PXDNL: variants seen among roughly 807,000 people sequenced by gnomAD.
The protein encoded by PXDNL is probable oxidoreductase PXDNL.
Under a neutral mutation model 150.8 loss-of-function variants are expected in PXDNL, and 145 were observed. That is an observed-to-expected ratio of 0.96 (90% CI 0.84 to 1.10). PXDNL has a LOEUF of 1.10. PXDNL is among the 50% of genes least tolerant of loss of function. The pLI, the probability that PXDNL is intolerant of heterozygous loss-of-function variation, is 0.00. For synonymous variants in PXDNL, 757 were observed against 725.7 expected, an observed-to-expected ratio of 1.04 and a Z score of -0.69; for missense variants, 2,087 against 1,873.9, an observed-to-expected ratio of 1.11 and a Z score of -2.10.
At chr8:51,534,153 A>G (rs1811990768) in intron 4 of PXDNL, among the ~76,000 whole-genome samples, 3 of 141,386 alleles carry the variant, frequency 2.1e-5, no homozygotes, top group Non-Finnish European at 4.5e-5. Context: ...CTGGGATGTG[A>G]GGAGCGCCTC....
At chr8:51,487,526 C>A (rs1041388535) in intron 5 of PXDNL, among the ~76,000 whole-genome samples, 4 of 151,826 alleles carry the variant, frequency 2.6e-5, no homozygotes, top group Admixed American at 6.6e-5. Context: ...CCAAAAAGTC[C>A]AAATTCTGTA....
chr8:51,601,480 C>T (rs1047130018), intron 2 of PXDNL, among the ~76,000 whole-genome samples: 13 of 151,956 alleles, frequency 8.6e-5, no homozygotes, highest in Admixed American at 8.5e-4. Context: ...TAATGCCCTT[C>T]TTTGTCTTCA....
rs761400429 is a variant in PXDNL, at chr8:51,453,509, G to T, written c.1249+10C>A. The T allele has an allele frequency of 3.1e-6, 5 of 1,613,368 alleles. No homozygotes were observed. In the Admixed American group the frequency reaches 8.3e-5, roughly 27 times the overall value. ...AGGAACATTTCAATCATGACCTTCTGCTCCCATACCTTGTACAATTATGTT... is the reference window on the plus strand; with the variant it reads ...AGGAACATTTCAATCATGACCTTCTTCTCCCATACCTTGTACAATTATGTT... On this transcript the variant is annotated intron_variant, in intron 10 of 22. Coordinates refer to ENST00000356297, the MANE Select transcript of PXDNL (RefSeq NM_144651.5).
At chr8:51,562,583 G>A (rs1812739595) in intron 3 of PXDNL, among the ~76,000 whole-genome samples, 1 of 151,664 alleles carries the variant, frequency 6.6e-6, no homozygotes, top group Non-Finnish European at 1.5e-5. Context: ...AACTTATTGG[G>A]CTTTTGGACC....
intron 4 of PXDNL, among the ~76,000 whole-genome samples, chr8:51,551,489 A>G (rs1325984143): frequency 1.3e-5 from 2 of 152,202 alleles, no homozygotes; most frequent in Non-Finnish European, 2.9e-5. Context: ...AAGTAGAACA[A>G]TGGAATGAAA....
At chr8:51,430,786 T>C (rs1809229281) in intron 12 of PXDNL, among the ~76,000 whole-genome samples, 2 of 152,200 alleles carry the variant, frequency 1.3e-5, no homozygotes. Context: ...TATTATTTCA[T>C]TCAACAACTC....
intron 1 of PXDNL, among the ~76,000 whole-genome samples, chr8:51,674,600 G>A (rs1305980768): frequency 6.6e-6 from 1 of 152,210 alleles, no homozygotes; most frequent in Non-Finnish European, 1.5e-5. Flanking sequence ...CTGGATGAAA[G>A]TGTTTACTCC....
chr8:51,377,830 T>G (rs975011177), intron 17 of PXDNL, among the ~76,000 whole-genome samples: 15 of 152,132 alleles, frequency 9.9e-5, no homozygotes, highest in Admixed American at 5.9e-4. Flanking sequence ...AGCCCCAGCC[T>G]CCCGGAGGAG....
intron 4 of PXDNL, among the ~76,000 whole-genome samples, chr8:51,554,920 A>T (rs1309129934): frequency 6.6e-6 from 1 of 152,086 alleles, no homozygotes; most frequent in Admixed American, 6.6e-5. Flanking sequence ...ATGGCAATAC[A>T]AGCTTTTTCT....
At position 51,454,960 on chromosome 8, in the gene PXDNL, T is replaced by TAATTGAAATAAATGTTCCGAGGTAAG. The variant is rs1586120466; in HGVS notation, c.983-1176_983-1175insCTTACCTCGGAACATTTATTTCAATT. On this transcript the variant is annotated intron_variant, in intron 9 of 22. Transcript: ENST00000356297. ...ATTCTGGCAAGAGGTAAGGGAAAAA[T>TAATTGAAATAAATGTTCCGAGGTAAG]TAGCCGGGCGCGGTGGCGGGCGCCT... Among the ~76,000 whole-genome samples, 13 of 99,066 alleles carry TAATTGAAATAAATGTTCCGAGGTAAG rather than the reference T, an allele frequency of 1.3e-4. 1 individual carries two copies. Among genetic ancestry groups the TAATTGAAATAAATGTTCCGAGGTAAG allele is most frequent in the African/African-American group, 5.3e-4 (8 of 15,220 alleles). The allele number at this position is 99,066 out of a possible 152,430, so 65.0% of individuals were successfully genotyped here.
At chr8:51,546,572 A>G (rs1451616498) in intron 4 of PXDNL, among the ~76,000 whole-genome samples, 1 of 152,200 alleles carries the variant, frequency 6.6e-6, no homozygotes, top group Non-Finnish European at 1.5e-5. Context: ...GGAAGCTCCT[A>G]GTTGAACTTG....
intron 14 of PXDNL, among the ~76,000 whole-genome samples, chr8:51,414,284 G>T (rs1049406130): frequency 1.3e-5 from 2 of 150,940 alleles, no homozygotes; most frequent in Non-Finnish European, 3.0e-5. Context: ...CAATAGATGG[G>T]CCCATATAGC....
chr8:51,631,000 A>G (rs929655366), intron 2 of PXDNL, among the ~76,000 whole-genome samples: 1 of 152,128 alleles, frequency 6.6e-6, no homozygotes, highest in Admixed American at 6.6e-5. Context: ...TCACAGCACT[A>G]TTCATAACAA....
intron 3 of PXDNL, among the ~76,000 whole-genome samples, chr8:51,583,528 T>C (rs1813256037): frequency 1.3e-5 from 2 of 152,182 alleles, no homozygotes; most frequent in Non-Finnish European, 2.9e-5. Context: ...ATTCTGGACA[T>C]TTTGACTCCA....
At chr8:51,485,577 T>G (rs185064850) in intron 5 of PXDNL, among the ~76,000 whole-genome samples, 2 of 152,144 alleles carry the variant, frequency 1.3e-5, no homozygotes, top group African/African-American at 4.8e-5. Context: ...ACCAAGATCA[T>G]CACCCTATCC....
chr8:51,513,145 C>G (rs746205951), intron 4 of PXDNL, among the ~76,000 whole-genome samples: 1 of 152,176 alleles, frequency 6.6e-6, no homozygotes, highest in Non-Finnish European at 1.5e-5. Context: ...TGTTGAAGAC[C>G]TGGTTGCAGA....
chr8:51,763,632 G>T (rs189955882), intron 1 of PXDNL, among the ~76,000 whole-genome samples: 6 of 151,854 alleles, frequency 4.0e-5, no homozygotes, highest in Non-Finnish European at 7.4e-5. Context: ...TTTCGTTCCC[G>T]CTCTAAAGCT....
At chr8:51,638,925 T>C (rs1048504868) in intron 2 of PXDNL, among the ~76,000 whole-genome samples, 2 of 152,184 alleles carry the variant, frequency 1.3e-5, no homozygotes, top group Non-Finnish European at 2.9e-5. Context: ...ATCACAATTA[T>C]TCCAAAATTG....
intron 19 of PXDNL, among the ~76,000 whole-genome samples, chr8:51,349,098 C>T (rs1806255201): frequency 6.6e-6 from 1 of 151,848 alleles, no homozygotes; most frequent in African/African-American, 2.4e-5. Context: ...TGTTTGAAGA[C>T]GGCAACAGAT....
Sources: gnomAD v4.1 joint callset for allele counts (sites outside exome capture counted in the v4.1 genomes callset) on GRCh38, gnomAD v4.1.1 for gene constraint, MANE v1.5 for transcripts, NCBI Gene and HGNC (gene_info 2026-07-23, HGNC 2026-07-21) for gene names.